Variants in TC2N observed in about 807,000 individuals in gnomAD.
The protein encoded by TC2N is tandem C2 domains nuclear protein.
In TC2N, 51 loss-of-function variants were observed where a neutral mutation model predicts 61.9. That is an observed-to-expected ratio of 0.82 (90% CI 0.66 to 1.04). The LOEUF is 1.04. Ranked by LOEUF, TC2N falls within the 50% of genes least tolerant of loss-of-function variation. The probability of loss-of-function intolerance (pLI) is 0.00; values close to 1 mark genes in which losing one functional copy is unlikely to be tolerated. For missense variants in TC2N, 556 were observed against 566.7 expected (o/e 0.98, Z 0.19); for synonymous variants, 204 against 192.6 (o/e 1.06, Z -0.49).
chr14:91,865,218 AATG>A (rs1394779221), intron 1 of TC2N, among the ~76,000 whole-genome samples: 1 of 144,924 alleles, frequency 6.9e-6, no homozygotes, highest in Non-Finnish European at 1.5e-5. Flanking sequence ...TTCTCACTTT[AATG>A]ATTTATTTCT....
At chr14:91,851,150 C>T (rs1346947838) in intron 1 of TC2N, among the ~76,000 whole-genome samples, 1 of 152,102 alleles carries the variant, frequency 6.6e-6, no homozygotes, top group Non-Finnish European at 1.5e-5. Context: ...AAAACCATCC[C>T]CTCACCCCTA....
rs908913082 is a variant in TC2N at position 91,782,110 on chromosome 14, G to A, written c.*990C>T. 1.3e-5 allele frequency: 2 copies of A among 151,906 alleles called. No individual in the cohort carries two copies. Among genetic ancestry groups the A allele is most frequent in the African/African-American group, 4.8e-5 (2 of 41,398 alleles). 9.4% of individuals were successfully genotyped at this position (151,906 alleles called of 1,614,324 possible). On this transcript the variant is annotated 3_prime_UTR_variant, in exon 12 of 12. Coordinates refer to ENST00000435962, the MANE Select transcript of TC2N (RefSeq NM_001128596.3). ...CACAGTTCTTATGGTCAATTAAGCT[G>A]AAATTATTTCCAAATACTGAGTTCT...
chr14:91,835,001 C>A (rs1887942209), intron 1 of TC2N, among the ~76,000 whole-genome samples: 1 of 152,132 alleles, frequency 6.6e-6, no homozygotes, highest in East Asian at 1.9e-4. Context: ...GGTATATATC[C>A]ACTAGACAGC....
chr14:91,837,332 C>G lies in TC2N; in HGVS notation c.-56-23507G>C, dbSNP rs986293148. Among the ~76,000 whole-genome samples, 5 of 152,256 alleles carry G rather than the reference C, an allele frequency of 3.3e-5. No homozygotes were observed. The highest frequency in any genetic ancestry group is 5.9e-5 in the Non-Finnish European group (4 of 68,042). ...CGGGGCTGAAGTGATCCTCCCACCT[C>G]AGCCCCTCCGCCAAGTAGCTGGGAA... On this transcript the variant is annotated intron_variant, in intron 1 of 11. Transcript: ENST00000435962. The surrounding 1 kb of genome is among the most constrained non-coding windows in gnomAD (Gnocchi z 4.2).
intron 3 of TC2N, 75 bp downstream of exon 3, chr14:91,812,237 T>A: frequency 1.3e-6 from 1 of 758,320 alleles, no homozygotes. Flanking sequence ...AATTTTGTAT[T>A]AAAAATATAA....
intron 1 of TC2N, among the ~76,000 whole-genome samples, chr14:91,824,432 G>A (rs1250519476): frequency 1.3e-5 from 2 of 152,246 alleles, no homozygotes; most frequent in Non-Finnish European, 1.5e-5. Context: ...ACATCATCAC[G>A]ACTTTCCCCT....
Position 91,783,208 on chromosome 14 carries a change from A to G in TC2N, c.1365T>C (p.Ile455=). ...TGTTATTACTGTCTTCACTTATCCA[A>G]ATCTGTAAAGGAAAGTATGTACAAT... ...SVRRKHFVGQ[I]WISEDSNNIE... is the part of the protein sequence containing the mutation. The change falls in exon 12 of 12, where the codon ATT becomes ATC. Residue 455 remains isoleucine (I), a splice_region_variant and synonymous_variant. Transcript: ENST00000435962. 6.4e-7 allele frequency: 1 copy of G among 1,566,236 alleles called. No homozygotes were observed. The highest frequency in any genetic ancestry group is 8.8e-7 in the Non-Finnish European group (1 of 1,138,568).
At chr14:91,857,715 T>C (rs1038869923) in intron 1 of TC2N, among the ~76,000 whole-genome samples, 3 of 152,182 alleles carry the variant, frequency 2.0e-5, no homozygotes, top group African/African-American at 7.2e-5. Context: ...CCTTCCACTA[T>C]TGGCAACAGA....
At chr14:91,866,821 T>A (rs759995547) in intron 1 of TC2N, among the ~76,000 whole-genome samples, 1 of 152,180 alleles carries the variant, frequency 6.6e-6, no homozygotes, top group Non-Finnish European at 1.5e-5. Context: ...GTACAAAAAA[T>A]AACATTTGAT....
intron 1 of TC2N, among the ~76,000 whole-genome samples, chr14:91,842,540 G>A (rs1888182787): frequency 6.6e-6 from 1 of 152,160 alleles, no homozygotes; most frequent in South Asian, 2.1e-4. Context: ...CTCACCAGAA[G>A]TAGACAATAG....
At position 91,853,629 on chromosome 14, in the gene TC2N, ATTTT is replaced by A. The variant is rs34565741; in HGVS notation, c.-57+13629_-57+13632del. On this transcript the variant is annotated intron_variant, in intron 1 of 11. Coordinates refer to ENST00000435962, the MANE Select transcript of TC2N (RefSeq NM_001128596.3). The stretch of plus-strand genomic sequence containing the variant: ...GCCCTTCACTGAATTCTCTGCTTGG[ATTTT>A]TTTTTTTTTTTAAAGTACACACACA... Among the ~76,000 whole-genome samples the A allele has an allele frequency of 9.6e-3, 1,367 of 141,724 alleles. 13 individuals are homozygous for A. The highest frequency in any genetic ancestry group is 0.039 in the South Asian group (174 of 4,498). 93.0% of individuals were successfully genotyped at this position (141,724 alleles called of 152,430 possible).
In TC2N at chr14:91,845,283, G is replaced by A. The variant is rs1017466671; in HGVS notation, c.-57+21979C>T. 6.6e-5 allele frequency among the ~76,000 whole-genome samples: 10 copies of A among 150,792 alleles called. No individual in the cohort carries two copies. The East Asian group carries it at 7.7e-4, about 12-fold the overall frequency. On this transcript the variant is annotated intron_variant, in intron 1 of 11. Transcript: ENST00000435962. Reference sequence around the variant, plus strand: ...AATAAATAAATAAATATGTTTATACGTCTAGTCTAATTCTTGCAACAACCA... The same window carrying A: ...AATAAATAAATAAATATGTTTATACATCTAGTCTAATTCTTGCAACAACCA...
chr14:91,813,560 A>G, intron 2 of TC2N, 143 bp downstream of exon 2: 1 of 593,422 alleles, frequency 1.7e-6, no homozygotes, highest in South Asian at 2.3e-5. Flanking sequence ...AGACTACTTG[A>G]AGTTATGGAA....
chr14:91,791,946 C>T (rs1324791520), intron 9 of TC2N, among the ~76,000 whole-genome samples: 4 of 151,924 alleles, frequency 2.6e-5, no homozygotes, highest in African/African-American at 9.7e-5. Context: ...GAAACCCCGT[C>T]TCTACTAAAA....
At chr14:91,863,221 T>C (rs1341480779) in intron 1 of TC2N, among the ~76,000 whole-genome samples, 2 of 152,224 alleles carry the variant, frequency 1.3e-5, no homozygotes, top group African/African-American at 2.4e-5. Flanking sequence ...AGATCTAAGG[T>C]ATCTACAAAT....
chr14:91,854,719 C>T (rs995304879), intron 1 of TC2N, among the ~76,000 whole-genome samples: 1 of 152,132 alleles, frequency 6.6e-6, no homozygotes, highest in African/African-American at 2.4e-5. Context: ...AGGGGACAGT[C>T]TTATCAGTCT....
At chr14:91,834,064 T>C (rs1237119986) in intron 1 of TC2N, among the ~76,000 whole-genome samples, 1 of 152,230 alleles carries the variant, frequency 6.6e-6, no homozygotes, top group African/African-American at 2.4e-5. Context: ...GATTCTGCTT[T>C]AGTCCCAACA....
intron 1 of TC2N, among the ~76,000 whole-genome samples, chr14:91,859,397 T>C (rs964647056): frequency 9.2e-5 from 14 of 152,156 alleles, no homozygotes; most frequent in Admixed American, 6.5e-5. Context: ...AGGGTGTGCC[T>C]TGGCTCCCTA....
At chr14:91,789,134 A>AC (rs1344087211) in intron 9 of TC2N, among the ~76,000 whole-genome samples, 1 of 152,200 alleles carries the variant, frequency 6.6e-6, no homozygotes, top group Non-Finnish European at 1.5e-5. Context: ...TTATGAAAAC[A>AC]CGTAAAGGTG....
Sources: gnomAD v4.1 joint callset for allele counts (sites outside exome capture counted in the v4.1 genomes callset) on GRCh38, gnomAD v4.1.1 for gene constraint, Gnocchi (gnomAD v3.1) non-coding constraint, MANE v1.5 for transcripts, NCBI Gene and HGNC (gene_info 2026-07-23, HGNC 2026-07-21) for gene names.